The following TAFA1 variants were observed in gnomAD, a reference collection of about 807,000 sequenced individuals.
The protein encoded by TAFA1 is chemokine-like protein TAFA-1.
TAFA1 carries 4 observed loss-of-function variants against 18.5 expected under a neutral mutation model. The ratio of observed to expected loss-of-function variants is 0.22; its 90% confidence interval spans 0.11 to 0.49. The LOEUF is 0.49. Ranked by LOEUF, TAFA1 falls within the 20% of genes least tolerant of loss-of-function variation. The probability of loss-of-function intolerance (pLI) is 0.98; values close to 1 mark genes in which losing one functional copy is unlikely to be tolerated. For missense variants in TAFA1, 147 were observed against 169.0 expected, an observed-to-expected ratio of 0.87 and a Z score of 0.72; for synonymous variants, 56 against 55.2, an observed-to-expected ratio of 1.01 and a Z score of -0.06.
chr3:68,076,172 T>C (rs993428169), intron 2 of TAFA1, among the ~76,000 whole-genome samples: 2 of 152,188 alleles, frequency 1.3e-5, no homozygotes, highest in South Asian at 2.1e-4. Flanking sequence ...CCAGTGTTTT[T>C]ACTTGTGGTG....
At chr3:68,495,034 A>C (rs71312509) in intron 3 of TAFA1, among the ~76,000 whole-genome samples, 2 of 152,262 alleles carry the variant, frequency 1.3e-5, no homozygotes, top group South Asian at 4.1e-4. Flanking sequence ...AAAGAAAACA[A>C]CAGAAGCTCT....
intron 2 of TAFA1, among the ~76,000 whole-genome samples, chr3:68,093,709 C>A (rs2065054410): frequency 6.6e-6 from 1 of 152,050 alleles, no homozygotes; most frequent in South Asian, 2.1e-4. Flanking sequence ...CTGCTTATGG[C>A]ATCCCATATC....
chr3:68,370,750 C>G (rs114835717), intron 2 of TAFA1, among the ~76,000 whole-genome samples: 4,391 of 137,234 alleles, frequency 0.032, 81 homozygotes, highest in Middle Eastern at 0.04. Context: ...TGACTGTTCT[C>G]TTTGTTAAAC....
At chr3:68,203,748 C>A (rs115368608) in intron 2 of TAFA1, among the ~76,000 whole-genome samples, 2,452 of 151,720 alleles carry the variant, frequency 0.016, 75 homozygotes, top group African/African-American at 0.056. Flanking sequence ...GCCAGTTAGG[C>A]TCTGATAAAA....
intron 3 of TAFA1, among the ~76,000 whole-genome samples, chr3:68,471,397 A>G (rs1407280485): frequency 2.0e-5 from 3 of 152,118 alleles, no homozygotes; most frequent in African/African-American, 7.2e-5. Flanking sequence ...GACTTGCACC[A>G]TGCACCTAGA....
intron 2 of TAFA1, among the ~76,000 whole-genome samples, chr3:68,296,150 T>A (rs2068204642): frequency 6.6e-6 from 1 of 152,336 alleles, no homozygotes; most frequent in East Asian, 1.9e-4. Flanking sequence ...GAATTGCCTA[T>A]GTGAGCTACA....
At chr3:68,311,636 T>G (rs2068518808) in intron 2 of TAFA1, among the ~76,000 whole-genome samples, 1 of 152,236 alleles carries the variant, frequency 6.6e-6, no homozygotes, top group South Asian at 2.1e-4. Context: ...GTCACACTGA[T>G]GCAAGAGGTG....
At chr3:68,114,653 A>G (rs1054077089) in intron 2 of TAFA1, among the ~76,000 whole-genome samples, 3 of 152,242 alleles carry the variant, frequency 2.0e-5, no homozygotes, top group Non-Finnish European at 2.9e-5. Flanking sequence ...ACACTTTGAC[A>G]AATATTGGCA....
At chr3:68,301,035 C>T (rs1468269617) in intron 2 of TAFA1, among the ~76,000 whole-genome samples, 8 of 152,100 alleles carry the variant, frequency 5.3e-5, no homozygotes, top group African/African-American at 1.2e-4. Flanking sequence ...TACACAGAAT[C>T]GTGTAACCAC....
chr3:68,418,419 T>G (rs2106800595), intron 3 of TAFA1, among the ~76,000 whole-genome samples: 1 of 53,098 alleles, frequency 1.9e-5, no homozygotes, highest in Middle Eastern at 9.3e-3. Flanking sequence ...ATGTCGTCAC[T>G]TAAGGGAAGG....
intron 2 of TAFA1, among the ~76,000 whole-genome samples, chr3:68,403,117 G>C (rs1314161654): frequency 6.6e-6 from 1 of 152,174 alleles, no homozygotes; most frequent in South Asian, 2.1e-4. Flanking sequence ...ATAGCATGCT[G>C]TACTGGTTTG....
At chr3:68,162,621 C>G (rs2065938981) in intron 2 of TAFA1, among the ~76,000 whole-genome samples, 1 of 152,118 alleles carries the variant, frequency 6.6e-6, no homozygotes, top group Non-Finnish European at 1.5e-5. Flanking sequence ...CCCTATGGCT[C>G]AATAGTGTGG....
At chr3:68,480,308 C>A (rs1375659763) in intron 3 of TAFA1, among the ~76,000 whole-genome samples, 1 of 151,438 alleles carries the variant, frequency 6.6e-6, no homozygotes, top group Non-Finnish European at 1.5e-5. Context: ...GAGGCTGAGG[C>A]AGGAGAATCG....
rs2065515156 is a variant in TAFA1, at chr3:68,129,739, AAT to A, written c.118+122997_118+122998del. 2.0e-5 allele frequency among the ~76,000 whole-genome samples: 3 copies of A among 152,236 alleles called. No homozygotes were observed. The South Asian group carries it at 6.2e-4, about 31-fold the overall frequency. ...GAAAGATCTCCTGGTGTGTCTCAATAATAGTCTTTCTCATCTCTGTAATACAG... is the reference window on the plus strand; with the variant it reads ...GAAAGATCTCCTGGTGTGTCTCAATAAGTCTTTCTCATCTCTGTAATACAG... On this transcript the variant is annotated intron_variant, in intron 2 of 4. Coordinates refer to ENST00000478136, the MANE Select transcript of TAFA1 (RefSeq NM_213609.4).
chr3:68,135,681 A>G (rs944435902), intron 2 of TAFA1, among the ~76,000 whole-genome samples: 7 of 152,342 alleles, frequency 4.6e-5, no homozygotes, highest in African/African-American at 1.7e-4. Flanking sequence ...TTGTATGCTC[A>G]AAGTTGGAAG....
intron 2 of TAFA1, among the ~76,000 whole-genome samples, chr3:68,097,105 C>T (rs927164854): frequency 2.0e-5 from 3 of 152,030 alleles, no homozygotes; most frequent in Non-Finnish European, 4.4e-5. Flanking sequence ...TGTCTTTTGT[C>T]ACTGTAGATG....
chr3:68,222,325 C>T (rs921973960), intron 2 of TAFA1, among the ~76,000 whole-genome samples: 1 of 152,164 alleles, frequency 6.6e-6, no homozygotes, highest in South Asian at 2.1e-4. Context: ...CTTCCTATTT[C>T]CTCCTCTGAT....
At chr3:68,075,890 T>C (rs1295196598) in intron 2 of TAFA1, among the ~76,000 whole-genome samples, 5 of 151,960 alleles carry the variant, frequency 3.3e-5, no homozygotes. Context: ...AGAGATGGGG[T>C]TTCACCATGT....
chr3:68,510,296 T>TC (rs1242663111), intron 3 of TAFA1, among the ~76,000 whole-genome samples: 3 of 152,088 alleles, frequency 2.0e-5, no homozygotes, highest in Non-Finnish European at 4.4e-5. Flanking sequence ...CTTGGCCATC[T>TC]CCCCATTAGA....
Sources: gnomAD v4.1 joint callset for allele counts (sites outside exome capture counted in the v4.1 genomes callset) on GRCh38, gnomAD v4.1.1 for gene constraint, MANE v1.5 for transcripts, NCBI Gene and HGNC (gene_info 2026-07-23, HGNC 2026-07-21) for gene names.